The following VGLL4 variants were observed in gnomAD, a reference collection of about 807,000 sequenced individuals.
VGLL4 encodes the protein transcription cofactor vestigial-like protein 4.
VGLL4 carries 7 observed loss-of-function variants against 21.0 expected under a neutral mutation model. The observed-to-expected ratio is 0.33, with a 90% confidence interval of 0.19 to 0.63. The LOEUF is 0.63. Ranked by LOEUF, VGLL4 falls within the 20% of genes least tolerant of loss-of-function variation. The pLI is 0.78. For synonymous variants in VGLL4, 222 were observed against 173.2 expected, an observed-to-expected ratio of 1.28 and a Z score of -2.21; for missense variants, 394 against 425.7, an observed-to-expected ratio of 0.93 and a Z score of 0.66.
intron 2 of VGLL4, among the ~76,000 whole-genome samples, chr3:11,662,104 T>C (rs555111245): frequency 6.6e-6 from 1 of 152,208 alleles, no homozygotes; most frequent in African/African-American, 2.4e-5. Context: ...AGAAACATTC[T>C]CCCTGGCTAA....
chr3:11,561,223 G>A (rs1211624676), intron 3 of VGLL4, among the ~76,000 whole-genome samples: 1 of 152,162 alleles, frequency 6.6e-6, no homozygotes, highest in Non-Finnish European at 1.5e-5. Context: ...GTGGGGAACT[G>A]GGGAGACATT....
chr3:11,609,006 A>G (rs6442269), intron 1 of VGLL4, among the ~76,000 whole-genome samples: 144,925 of 152,198 alleles, frequency 0.95, 69,118 homozygotes, highest in African/African-American at 0.99. Context: ...CGGGACTACA[A>G]GTGCTCGCCA....
intron 2 of VGLL4, among the ~76,000 whole-genome samples, chr3:11,695,615 A>C (rs2076596406): frequency 1.3e-5 from 2 of 152,198 alleles, no homozygotes; most frequent in Admixed American, 6.5e-5. Flanking sequence ...GAAGGAATGC[A>C]CTTAAAAGTT....
intron 1 of VGLL4, 53 bp downstream of exon 1, chr3:11,643,384 G>A: frequency 1.1e-5 from 18 of 1,613,596 alleles, no homozygotes; most frequent in East Asian, 2.2e-5. Flanking sequence ...AGCACACTGA[G>A]GAGGAGTGGC....
chr3:11,617,330 G>C (rs2075180681), intron 1 of VGLL4, among the ~76,000 whole-genome samples: 1 of 152,206 alleles, frequency 6.6e-6, no homozygotes, highest in Admixed American at 6.5e-5. Context: ...TGGATACAGA[G>C]AGGTGGGTCA....
In VGLL4 at chr3:11,703,932, A is replaced by G. The variant is rs150158070; in HGVS notation, c.-13-885T>C. ...AGACCAGCTTTTCTTTGTAATATTC[A>G]TACCTCAGGCCTCCAAAGAAACACT... On this transcript the variant is annotated intron_variant, in intron 1 of 5. Coordinates refer to the VGLL4 transcript ENST00000273038. Among the ~76,000 whole-genome samples the G allele has an allele frequency of 5.7e-3, 863 of 152,352 alleles. 3 individuals carry two copies. Among genetic ancestry groups the G allele is most frequent in the Non-Finnish European group, 7.3e-3 (500 of 68,030 alleles).
At chr3:11,573,331 G>A (rs560339289) in intron 2 of VGLL4, among the ~76,000 whole-genome samples, 1 of 50,032 alleles carries the variant, frequency 2.0e-5, no homozygotes, top group Non-Finnish European at 4.3e-5. Flanking sequence ...AAGAAAGAAA[G>A]AAAGAAAGAA....
At chr3:11,676,405 AAAAAATAAAATAATAATAAT>A (rs1403964231) in intron 2 of VGLL4, among the ~76,000 whole-genome samples, 345 of 33,748 alleles carry the variant, frequency 0.01, 2 homozygotes, top group African/African-American at 0.021. Flanking sequence ...AAAAAAAAAA[AAAAAATAAAATAATAATAAT>A]AATAATAATA....
chr3:11,642,081 A>T (rs2075701833), intron 1 of VGLL4, among the ~76,000 whole-genome samples: 1 of 152,110 alleles, frequency 6.6e-6, no homozygotes, highest in Admixed American at 6.5e-5. Context: ...TGTCACGGGA[A>T]ACAAGCCCAG....
chr3:11,683,710 C>G (rs902867654), intron 2 of VGLL4, among the ~76,000 whole-genome samples: 3 of 152,024 alleles, frequency 2.0e-5, no homozygotes, highest in African/African-American at 7.3e-5. Context: ...AGGAGAATTG[C>G]TTCAACCCAG....
intron 1 of VGLL4, among the ~76,000 whole-genome samples, chr3:11,632,467 A>ACAATGGAGTG (rs1472603404): frequency 6.6e-6 from 1 of 152,220 alleles, no homozygotes; most frequent in Non-Finnish European, 1.5e-5. Flanking sequence ...AGTGACAGAT[A>ACAATGGAGTG]CAATGGAGTG....
chr3:11,576,103 G>A (rs1163359881), intron 2 of VGLL4, among the ~76,000 whole-genome samples: 1 of 152,246 alleles, frequency 6.6e-6, no homozygotes, highest in African/African-American at 2.4e-5. Flanking sequence ...TCATGGCTGA[G>A]AACATGACCG....
At chr3:11,571,200 G>A (rs1025521209) in intron 2 of VGLL4, among the ~76,000 whole-genome samples, 7 of 152,128 alleles carry the variant, frequency 4.6e-5, no homozygotes, top group Admixed American at 1.3e-4. Flanking sequence ...GTCCATCCTC[G>A]CTGGCAGGGA....
chr3:11,609,731 CTG>C (rs1350372275), intron 1 of VGLL4, among the ~76,000 whole-genome samples: 1 of 152,176 alleles, frequency 6.6e-6, no homozygotes, highest in Admixed American at 6.5e-5. Flanking sequence ...CATCGCCAGA[CTG>C]GGGTGTGGGC....
In VGLL4 at chr3:11,569,000, A is replaced by T. The variant is rs927935421; in HGVS notation, c.273-3981T>A. On this transcript the variant is annotated intron_variant, in intron 2 of 4. Coordinates refer to ENST00000430365, the MANE Select transcript of VGLL4 (RefSeq NM_001128219.3). The surrounding 1 kb of genome is among the most constrained non-coding windows in gnomAD (Gnocchi z 5.9). Reference sequence around the variant, plus strand: ...AGAGAGGCCTACAACACCATCATCCAGGACAGAGCTTTCTGAGTACTGAAA... The same window carrying T: ...AGAGAGGCCTACAACACCATCATCCTGGACAGAGCTTTCTGAGTACTGAAA... The T allele has an allele frequency of 1.9e-6, 2 of 1,027,228 alleles. No individual in the cohort carries two copies. The highest frequency in any genetic ancestry group is 4.9e-5 in the Admixed American group (1 of 20,340). 63.6% of individuals were successfully genotyped at this position (1,027,228 alleles called of 1,614,324 possible). A position where few individuals can be genotyped will look rare whatever the true frequency, so the allele number is the denominator to read the frequency against.
At chr3:11,563,404 A>AGCGGGTCCCTGTGGGTCGCACTGC (rs2073204540) in intron 3 of VGLL4, among the ~76,000 whole-genome samples, 1 of 152,224 alleles carries the variant, frequency 6.6e-6, no homozygotes, top group East Asian at 1.9e-4. Context: ...GGGAGCAGTG[A>AGCGGGTCCCTGTGGGTCGCACTGC]GCGGGTCCCT....
At chr3:11,597,261 G>C (rs1164417363) in intron 2 of VGLL4, among the ~76,000 whole-genome samples, 1 of 151,814 alleles carries the variant, frequency 6.6e-6, no homozygotes, top group East Asian at 1.9e-4. Context: ...AAAACTTACT[G>C]ATTTTTCCAC....
chr3:11,564,282 A>T (rs1220775886), intron 3 of VGLL4, among the ~76,000 whole-genome samples: 1 of 152,176 alleles, frequency 6.6e-6, no homozygotes, highest in Admixed American at 6.5e-5. Context: ...TGTACCAATC[A>T]TAGGCTTCTG....
intron 2 of VGLL4, among the ~76,000 whole-genome samples, chr3:11,699,078 C>T (rs568499862): frequency 3.9e-5 from 6 of 152,240 alleles, no homozygotes; most frequent in South Asian, 4.2e-4. Context: ...TTGAGGAGAA[C>T]GTTAACCTCC....
Sources: allele counts gnomAD v4.1 joint callset (sites outside exome capture counted in the v4.1 genomes callset), GRCh38; gene constraint gnomAD v4.1.1; non-coding constraint Gnocchi (gnomAD v3.1); transcripts MANE v1.5; gene names NCBI Gene and HGNC (gene_info 2026-07-23, HGNC 2026-07-21).